The following LRRC45 variants were observed in gnomAD, a reference collection of about 807,000 sequenced individuals.
LRRC45 encodes the protein leucine-rich repeat-containing protein 45.
Under a neutral mutation model 85.4 loss-of-function variants are expected in LRRC45, and 73 were observed. The observed-to-expected ratio is 0.85, with a 90% CI of 0.71 to 1.04. The LOEUF is 1.04. Among genes scored for constraint, LRRC45 ranks in the 50% least tolerant of loss-of-function variants. The pLI is 0.00. For synonymous variants in LRRC45, 429 were observed against 386.0 expected (o/e 1.11, Z -1.31); for missense variants, 937 against 883.3 (o/e 1.06, Z -0.77).
In LRRC45 at chr17:82,031,012, G is replaced by GGTCGA. The variant is rs1441425226; in HGVS notation, c.*208_*212dup. The GGTCGA allele has an allele frequency of 2.5e-6, 1 of 400,884 alleles. No homozygotes were observed. The highest frequency in any genetic ancestry group is 4.4e-5 in the Admixed American group (1 of 22,624). The allele number at this position is 400,884 out of a possible 1,614,324, so 24.8% of individuals were successfully genotyped here. On this transcript the variant is annotated 3_prime_UTR_variant, in exon 17 of 17. Transcript: ENST00000306688. ...GGCTCCCTACCGGCCCCTTCTTCCC[G>GGTCGA]GTCGACGCCACGTGGGAGCACACCG...
chr17:82,028,898 T>C, intron 12 of LRRC45, 195 bp from the exon 13 acceptor site: 1 of 720,202 alleles, frequency 1.4e-6, no homozygotes, highest in Non-Finnish European at 2.3e-6. Flanking sequence ...CAGGCTGCCG[T>C]TGAAGAGACA....
intron 13 of LRRC45, 163 bp from the exon 14 acceptor site, chr17:82,029,380 C>G (rs1048364289): frequency 2.1e-6 from 2 of 960,464 alleles, no homozygotes; most frequent in Non-Finnish European, 3.1e-6. Flanking sequence ...CTTCCTTGGC[C>G]TTAGGAACCT....
In LRRC45 at chr17:82,024,699, A is replaced by T; in HGVS notation, c.289A>T (p.Asn97Tyr). The part of the protein sequence containing the change: ...VLRFLDLKGN[N>Y]LRAAGAEALG... ...CGGCCTGTTTCTCTCCTAGGGCAAC[A>T]ACCTTCGGGCTGCAGGGGCCGAGGC... The change falls in exon 3 of 17, where the codon AAC becomes TAC. Residue 97 changes from asparagine to tyrosine, a missense_variant. By Grantham distance (143) the Asn-to-Tyr change is moderately radical. Transcript: ENST00000306688. 1 of 1,572,212 alleles carries T rather than the reference A, an allele frequency of 6.4e-7. No individual in the cohort carries two copies. Among genetic ancestry groups the T allele is most frequent in the East Asian group, 2.3e-5 (1 of 44,376 alleles).
At chr17:82,027,204 C>A (rs1358896791) in intron 6 of LRRC45, among the ~76,000 whole-genome samples, 182 bp from the exon 7 acceptor site, 4 of 152,324 alleles carry the variant, frequency 2.6e-5, no homozygotes, top group Admixed American at 6.5e-5. Context: ...GGGGAGCTGG[C>A]GTCTGAGCCC....
Position 82,028,600 on chromosome 17 carries a change from C to T in LRRC45, c.1238-13C>T, listed in dbSNP as rs1471494111. 6.2e-7 allele frequency: 1 copy of T among 1,612,612 alleles called. No individual in the cohort carries two copies. Among genetic ancestry groups the T allele is most frequent in the African/African-American group, 1.3e-5 (1 of 74,932 alleles). The stretch of plus-strand genomic sequence containing the variant: ...GGATGCTCACGCATACTCTGCCCAC[C>T]CTGGGCTTCCAGAGCGCCTGGACAT... On this transcript the variant is annotated splice_polypyrimidine_tract_variant and intron_variant, in intron 11 of 16. Coordinates refer to ENST00000306688, the MANE Select transcript of LRRC45 (RefSeq NM_144999.4).
At position 82,025,380 on chromosome 17, in the gene LRRC45, C is replaced by T; in HGVS notation, c.534C>T (p.Asp178=). The part of the protein sequence containing the change: ...LKGNTTLQQL[D]LRWNNVGLLG... The stretch of plus-strand genomic sequence containing the variant: ...TGGTGACTACAGGTTTCCTTCCAGA[C>T]CTGCGCTGGAATAACGTTGGCCTCC... The change falls in exon 5 of 17, where the codon GAC becomes GAT. Residue 178 remains aspartate, a splice_region_variant and synonymous_variant. Transcript: ENST00000306688. The T allele has an allele frequency of 6.3e-7, 1 of 1,579,386 alleles. No homozygotes were observed. The highest frequency in any genetic ancestry group is 8.6e-7 in the Non-Finnish European group (1 of 1,161,716).
At chr17:82,026,599 T>TGTGTGAGA (rs1416301920) in intron 5 of LRRC45, among the ~76,000 whole-genome samples, 1 of 150,988 alleles carries the variant, frequency 6.6e-6, no homozygotes, top group African/African-American at 2.5e-5. Context: ...TGTGTGTGTG[T>TGTGTGAGA]GACTGAGTTT....
rs1019129276 is a variant in LRRC45 at position 82,030,545 on chromosome 17, C to G, written c.1817-64C>G. Reference sequence around the variant, plus strand: ...AGAGAGCGGGGCTGGCCAGGTCTCCCGTGCTGAGGCCGTGCCACGGTGCGC... The same window carrying G: ...AGAGAGCGGGGCTGGCCAGGTCTCCGGTGCTGAGGCCGTGCCACGGTGCGC... On this transcript the variant is annotated intron_variant, in intron 16 of 16. Transcript: ENST00000306688. 45 of 1,489,236 alleles carry G rather than the reference C, an allele frequency of 3.0e-5. No homozygotes were observed. In the South Asian group the frequency reaches 4.4e-4, roughly 15 times the overall value. 92.3% of individuals were successfully genotyped at this position (1,489,236 alleles called of 1,614,324 possible). A position where few individuals can be genotyped will look rare whatever the true frequency, so the allele number is the denominator to read the frequency against.
chr17:82,026,057 C>CG (rs924284538), intron 5 of LRRC45, among the ~76,000 whole-genome samples: 1 of 152,208 alleles, frequency 6.6e-6, no homozygotes, highest in Non-Finnish European at 1.5e-5. Context: ...CCGCGCACAG[C>CG]GGCAGCCTCT....
At chr17:82,027,977 A>T (rs1330981717) in intron 8 of LRRC45, 34 bp from the exon 9 acceptor site, 1 of 1,568,098 alleles carries the variant, frequency 6.4e-7, no homozygotes, top group East Asian at 2.3e-5. Flanking sequence ...TGAAACTCCA[A>T]CCGGGGCGGG....
chr17:82,029,763 C>A, intron 14 of LRRC45, 128 bp downstream of exon 14: 1 of 933,078 alleles, frequency 1.1e-6, no homozygotes, highest in Non-Finnish European at 1.6e-6. Flanking sequence ...GATGAGCACA[C>A]CCTGGACACT....
chr17:82,024,916 C>G (rs1469579058), intron 3 of LRRC45, 84 bp from the exon 4 acceptor site: 1 of 1,452,418 alleles, frequency 6.9e-7, no homozygotes, highest in African/African-American at 1.4e-5. Context: ...CCATCAGACC[C>G]CAAGCCCACA....
In LRRC45 at chr17:82,028,695, G is replaced by T; in HGVS notation, c.1308+12G>T. 6.2e-7 allele frequency: 1 copy of T among 1,608,294 alleles called. No homozygotes were observed. Among genetic ancestry groups the T allele is most frequent in the Non-Finnish European group, 8.5e-7 (1 of 1,177,768 alleles). ...TGCGCATCAAGGAGGTGCCCTCTTC[G>T]TTGGCCTCTAATGCGCCTCAGTCTC... On this transcript the variant is annotated intron_variant, in intron 12 of 16. Transcript: ENST00000306688.
intron 5 of LRRC45, among the ~76,000 whole-genome samples, chr17:82,026,452 G>A (rs528498709): frequency 6.6e-6 from 1 of 152,298 alleles, no homozygotes; most frequent in African/African-American, 2.4e-5. Context: ...GACTTGCCGG[G>A]TGAGACGCTG....
In LRRC45 at chr17:82,025,185, C is replaced by G; in HGVS notation, c.532+7C>G. 1 of 1,582,700 alleles carries G rather than the reference C, an allele frequency of 6.3e-7. No individual in the cohort carries two copies. The highest frequency in any genetic ancestry group is 8.6e-7 in the Non-Finnish European group (1 of 1,162,554). The stretch of plus-strand genomic sequence containing the variant: ...ACCACCCTCCAGCAGCTGGGTGAGG[C>G]CTCCCAGGCGCCCTCAGGCTCCCTC... On this transcript the variant is annotated splice_region_variant and intron_variant, in intron 4 of 16. Coordinates refer to ENST00000306688, the MANE Select transcript of LRRC45 (RefSeq NM_144999.4).
rs749784225 is a variant in LRRC45, at chr17:82,025,452, G to A, written c.606G>A (p.Leu202=). The part of the protein sequence containing the change: ...LMNCLPSNRT[L]WRLDLAGNNI... The stretch of plus-strand genomic sequence containing the variant: ...ACTGTCTCCCCAGCAACAGAACCCT[G>A]TGGAGACTGGACCTGGCTGGGAACA... Residue 202 remains leucine, a synonymous_variant, in exon 5 of 17, where the codon CTG becomes CTA. Coordinates refer to ENST00000306688, the MANE Select transcript of LRRC45 (RefSeq NM_144999.4). 6.2e-7 allele frequency: 1 copy of A among 1,610,216 alleles called. No homozygotes were observed. The highest frequency in any genetic ancestry group is 1.1e-5 in the South Asian group (1 of 90,234).
chr17:82,030,588 A>C, intron 16 of LRRC45, 21 bp from the exon 17 acceptor site: 1 of 1,461,224 alleles, frequency 6.8e-7, no homozygotes, highest in Non-Finnish European at 9.0e-7. Flanking sequence ...GCGTCCGCTC[A>C]CTGCGCTCCT....
intron 14 of LRRC45, 60 bp downstream of exon 14, chr17:82,029,695 C>A: frequency 6.8e-7 from 1 of 1,471,274 alleles, no homozygotes; most frequent in Non-Finnish European, 9.3e-7. Flanking sequence ...TTGCGGCCCG[C>A]ATGCAGACTC....
chr17:82,023,364 A>T lies in LRRC45; in HGVS notation c.-280A>T, dbSNP rs887851799. Reference sequence around the variant, plus strand: ...TCGCGAGGGCGGGGGTCGGGGCTGCAGGCGGGGCAGGGCTGGGTGGGGGCG... The same window carrying T: ...TCGCGAGGGCGGGGGTCGGGGCTGCTGGCGGGGCAGGGCTGGGTGGGGGCG... On this transcript the variant is annotated 5_prime_UTR_variant, in exon 1 of 17. Coordinates refer to ENST00000306688, the MANE Select transcript of LRRC45 (RefSeq NM_144999.4). 6.4e-6 allele frequency: 3 copies of T among 466,964 alleles called. No individual in the cohort carries two copies. Among genetic ancestry groups the T allele is most frequent in the African/African-American group, 4.2e-5 (2 of 47,652 alleles). 28.9% of individuals were successfully genotyped at this position (466,964 alleles called of 1,614,324 possible). A position where few individuals can be genotyped will look rare whatever the true frequency, so the allele number is the denominator to read the frequency against.
Sources: allele counts gnomAD v4.1 joint callset (sites outside exome capture counted in the v4.1 genomes callset), GRCh38; gene constraint gnomAD v4.1.1; transcripts MANE v1.5; gene names NCBI Gene and HGNC (gene_info 2026-07-23, HGNC 2026-07-21).